Variants in DNAJC21 observed in about 807,000 individuals in gnomAD.
DNAJC21 encodes dnaJ homolog subfamily C member 21.
Under a neutral mutation model 72.4 loss-of-function variants are expected in DNAJC21, and 63 were observed. The observed-to-expected ratio is 0.87, with a 90% CI of 0.71 to 1.07. The LOEUF (loss-of-function observed/expected upper bound fraction) is 1.07, where lower values mean the gene tolerates loss of function less well. Ranked by LOEUF, DNAJC21 falls within the 50% of genes least tolerant of loss-of-function variation. DNAJC21 has a pLI of 0.00. For synonymous variants in DNAJC21, 203 were observed against 216.7 expected, an observed-to-expected ratio of 0.94 and a Z score of 0.56; for missense variants, 634 against 644.8, an observed-to-expected ratio of 0.98 and a Z score of 0.18.
chr5:34,946,665 G>A (rs1765183056), intron 9 of DNAJC21, among the ~76,000 whole-genome samples: 1 of 152,022 alleles, frequency 6.6e-6, no homozygotes, highest in African/African-American at 2.4e-5. Context: ...TAGCAAATAT[G>A]TGTTCTTTTT....
intron 2 of DNAJC21, among the ~76,000 whole-genome samples, chr5:34,934,137 T>C (rs146848624): frequency 1.1e-3 from 169 of 152,304 alleles, no homozygotes; most frequent in African/African-American, 3.9e-3. Context: ...GGTGATATTA[T>C]ATAGTTTTAA....
intron 10 of DNAJC21, chr5:34,952,353 C>A: frequency 1.4e-6 from 1 of 694,414 alleles, no homozygotes; most frequent in Non-Finnish European, 1.8e-6. Context: ...GTTTTCAAAG[C>A]TGGCTGAATC....
In DNAJC21 at chr5:34,944,718, T is replaced by G. The variant is rs376201877; in HGVS notation, c.984-149T>G. The G allele has an allele frequency of 3.5e-5, 40 of 1,147,678 alleles. No homozygotes were observed. In the African/African-American group the frequency reaches 6.3e-4, roughly 18 times the overall value. 71.1% of individuals were successfully genotyped at this position (1,147,678 alleles called of 1,614,324 possible). ...TTCTCTGTATAAAATCATGAACAAA[T>G]AAAAAAAAAGAAAAAAATAAATAGA... On this transcript the variant is annotated intron_variant, in intron 7 of 11. Coordinates refer to ENST00000648817, the MANE Select transcript of DNAJC21 (RefSeq NM_001012339.3).
At chr5:34,930,926 C>T (rs973702737) in intron 1 of DNAJC21, among the ~76,000 whole-genome samples, 7 of 152,300 alleles carry the variant, frequency 4.6e-5, no homozygotes, top group East Asian at 1.9e-4. Context: ...AATATATGCT[C>T]CAGGAATTCA....
rs1765157473 is a variant in DNAJC21 at position 34,945,758 on chromosome 5, T to C, written c.1143-3T>C. ...TGACATTTCGATTTATATTTGCTCT[T>C]AGGCTTTCTAAAAAACAGAAGAAAA... On this transcript the variant is annotated splice_polypyrimidine_tract_variant and splice_region_variant and intron_variant, in intron 8 of 11. Transcript: ENST00000648817. 1.9e-6 allele frequency: 3 copies of C among 1,595,720 alleles called. No homozygotes were observed. The East Asian group carries it at 6.8e-5, about 36-fold the overall frequency.
At position 34,944,947 on chromosome 5, in the gene DNAJC21, A is replaced by C. The variant is rs1765124274; in HGVS notation, c.1064A>C (p.Asn355Thr). 2 of 1,614,032 alleles carry C rather than the reference A, an allele frequency of 1.2e-6. No homozygotes were observed. The highest frequency in any genetic ancestry group is 1.7e-6 in the Non-Finnish European group (2 of 1,180,046). ...LKQQLEEEEE[N>T]FSRPQIDENP... ...CAACAGCTGGAGGAGGAAGAAGAAA[A>C]TTTTTCAAGACCTCAAATTGATGAA... The change falls in exon 8 of 12, where the codon AAT becomes ACT. Residue 355 changes from asparagine to threonine, a missense_variant. Coordinates refer to ENST00000648817, the MANE Select transcript of DNAJC21 (RefSeq NM_001012339.3).
rs1032339771 is a variant in DNAJC21, at chr5:34,957,784, T to C, written c.*3070T>C. The C allele has an allele frequency of 3.9e-5, 6 of 152,244 alleles. No homozygotes were observed. The highest frequency in any genetic ancestry group is 1.4e-4 in the African/African-American group (6 of 41,462). The allele number at this position is 152,244 out of a possible 1,614,324, so 9.4% of individuals were successfully genotyped here. On this transcript the variant is annotated 3_prime_UTR_variant, in exon 12 of 12. Coordinates refer to ENST00000648817, the MANE Select transcript of DNAJC21 (RefSeq NM_001012339.3). The stretch of plus-strand genomic sequence containing the variant: ...CCCGTGAATTCTCTGGTGATGATTC[T>C]AGCCTAACCTTCAACATAAAATAAT...
intron 9 of DNAJC21, 39 bp downstream of exon 9, chr5:34,945,842 A>T: frequency 7.0e-7 from 1 of 1,426,904 alleles, no homozygotes; most frequent in Non-Finnish European, 9.6e-7. Context: ...AATGCCAACG[A>T]TAAAGTTGCA....
intron 1 of DNAJC21, among the ~76,000 whole-genome samples, chr5:34,931,302 T>C (rs1192677110): frequency 6.6e-6 from 1 of 152,232 alleles, no homozygotes; most frequent in Non-Finnish European, 1.5e-5. Context: ...ATGTTCATCA[T>C]AGCAGTAAGT....
At chr5:34,946,732 A>C (rs1346864605) in intron 9 of DNAJC21, among the ~76,000 whole-genome samples, 1 of 152,172 alleles carries the variant, frequency 6.6e-6, no homozygotes, top group East Asian at 1.9e-4. Flanking sequence ...AGTTTGGAAC[A>C]CTTTCTCTTT....
At chr5:34,934,134 T>C (rs976696939) in intron 2 of DNAJC21, among the ~76,000 whole-genome samples, 7 of 152,148 alleles carry the variant, frequency 4.6e-5, no homozygotes, top group African/African-American at 1.7e-4. Flanking sequence ...TTTGGTGATA[T>C]TATATAGTTT....
chr5:34,934,819 G>C (rs139183812), intron 2 of DNAJC21, among the ~76,000 whole-genome samples: 170 of 152,306 alleles, frequency 1.1e-3, no homozygotes, highest in African/African-American at 4.0e-3. Context: ...CCAGGTGGTT[G>C]TCAAGAAAGA....
chr5:34,945,773 A>AT lies in DNAJC21; in HGVS notation c.1155_1156insT (p.Gln386SerfsTer13). 6.3e-7 allele frequency: 1 copy of AT among 1,597,514 alleles called. No homozygotes were observed. The highest frequency in any genetic ancestry group is 8.5e-7 in the Non-Finnish European group (1 of 1,174,184). The stretch of plus-strand genomic sequence containing the variant: ...TATTTGCTCTTAGGCTTTCTAAAAA[A>AT]CAGAAGAAAAAGAAACAGAAACCAG... On this transcript the variant is annotated frameshift_variant, in exon 9 of 12. Transcript: ENST00000648817. LOFTEE classifies it high-confidence loss of function.
At position 34,956,396 on chromosome 5, in the gene DNAJC21, T is replaced by TTCCTTATAATTG. The variant is rs1765540209; in HGVS notation, c.*1686_*1697dup. 1 of 152,214 alleles carries TTCCTTATAATTG rather than the reference T, an allele frequency of 6.6e-6. No individual in the cohort carries two copies. The highest frequency in any genetic ancestry group is 2.4e-5 in the African/African-American group (1 of 41,448). 9.4% of individuals were successfully genotyped at this position (152,214 alleles called of 1,614,324 possible). On this transcript the variant is annotated 3_prime_UTR_variant, in exon 12 of 12. Coordinates refer to ENST00000648817, the MANE Select transcript of DNAJC21 (RefSeq NM_001012339.3). ...ATTTCTTGCTAATTTCTATCACTAA[T>TTCCTTATAATTG]TCCTTATAATTGTCCCTGCTCCCCT...
rs531532381 is a variant in DNAJC21, at chr5:34,957,925, C to T, written c.*3211C>T. On this transcript the variant is annotated 3_prime_UTR_variant, in exon 12 of 12. Transcript: ENST00000648817. ...ATCTCTATTCAATTCCCTTCCTTAT[C>T]TGTTAAATTTAATGTCTTTATACTA... 5.9e-5 allele frequency: 9 copies of T among 152,322 alleles called. No individual in the cohort carries two copies. Among genetic ancestry groups the T allele is most frequent in the Non-Finnish European group, 1.2e-4 (8 of 68,032 alleles). The allele number at this position is 152,322 out of a possible 1,614,324, so 9.4% of individuals were successfully genotyped here. A position where few individuals can be genotyped will look rare whatever the true frequency, so the allele number is the denominator to read the frequency against.
At chr5:34,939,422 C>T (rs1338308023) in intron 6 of DNAJC21, among the ~76,000 whole-genome samples, 10 of 152,218 alleles carry the variant, frequency 6.6e-5, no homozygotes, top group East Asian at 5.8e-4. Context: ...CCCGCCACCG[C>T]GCCCGGCTAA....
chr5:34,950,619 G>A (rs1765331403), intron 10 of DNAJC21: 1 of 1,057,780 alleles, frequency 9.5e-7, no homozygotes, highest in African/African-American at 1.7e-5. Flanking sequence ...ATCCTGCTGT[G>A]GCGCTGATTT....
rs767018809 is a variant in DNAJC21 at position 34,929,795 on chromosome 5, CGCCG to C, written c.-20_-17del. ...GCCCCGACCCCGTCCCGGGCCCCAG[CGCCG>C]GCCGCCCGCCCGGTCGGGCGATGAA... On this transcript the variant is annotated 5_prime_UTR_variant, in exon 1 of 12. Transcript: ENST00000648817. 2 of 1,335,002 alleles carry C rather than the reference CGCCG, an allele frequency of 1.5e-6. No homozygotes were observed. The highest frequency in any genetic ancestry group is 3.1e-5 in the African/African-American group (2 of 65,250). The allele number at this position is 1,335,002 out of a possible 1,614,324, so 82.7% of individuals were successfully genotyped here. A position where few individuals can be genotyped will look rare whatever the true frequency, so the allele number is the denominator to read the frequency against.
chr5:34,952,365 T>C (rs1765400854), intron 10 of DNAJC21: 1 of 590,936 alleles, frequency 1.7e-6, no homozygotes, highest in Non-Finnish European at 2.1e-6. Context: ...GGCTGAATCC[T>C]ACACAATATG....
Sources: gnomAD v4.1 joint callset for allele counts (sites outside exome capture counted in the v4.1 genomes callset) on GRCh38, gnomAD v4.1.1 for gene constraint, MANE v1.5 for transcripts, NCBI Gene and HGNC (gene_info 2026-07-23, HGNC 2026-07-21) for gene names.